Variants in CFAP299 observed in about 807,000 individuals in gnomAD.
CFAP299 encodes cilia- and flagella-associated protein 299.
In CFAP299, 21 loss-of-function variants were observed where a neutral mutation model predicts 27.0. The observed-to-expected ratio is 0.78, with a 90% confidence interval of 0.55 to 1.12. The LOEUF is 1.12. Among genes scored for constraint, CFAP299 ranks in the 50% most tolerant of loss-of-function variants. The probability of loss-of-function intolerance (pLI) is 0.00; values close to 1 mark genes in which losing one functional copy is unlikely to be tolerated. For missense variants in CFAP299, 310 were observed against 276.6 expected (o/e 1.12, Z -0.86); for synonymous variants, 104 against 98.1 (o/e 1.06, Z -0.36).
intron 3 of CFAP299, among the ~76,000 whole-genome samples, chr4:80,588,359 A>T (rs1019998475): frequency 2.0e-5 from 3 of 150,886 alleles, no homozygotes; most frequent in Non-Finnish European, 4.4e-5. Context: ...AGTGCTCTAG[A>T]ACTACAGATG....
chr4:80,915,651 A>G (rs1016854888), intron 4 of CFAP299, among the ~76,000 whole-genome samples: 3 of 151,924 alleles, frequency 2.0e-5, no homozygotes, highest in Non-Finnish European at 4.4e-5. Context: ...CTCTCCTTCT[A>G]GAACTCCAAT....
chr4:80,387,656 T>C, intron 2 of CFAP299: 1 of 1,547,392 alleles, frequency 6.5e-7, no homozygotes, highest in Non-Finnish European at 8.9e-7. Flanking sequence ...TGGGTCTGCA[T>C]GTGTTTCTTA....
intron 3 of CFAP299, among the ~76,000 whole-genome samples, chr4:80,763,828 C>T (rs1457188090): frequency 2.0e-5 from 3 of 152,134 alleles, no homozygotes; most frequent in Admixed American, 6.5e-5. Flanking sequence ...GAATCTTCAA[C>T]AAACCTGACA....
At chr4:80,415,882 C>T (rs1222643296) in intron 2 of CFAP299, among the ~76,000 whole-genome samples, 1 of 152,084 alleles carries the variant, frequency 6.6e-6, no homozygotes, top group African/African-American at 2.4e-5. Context: ...TACATACATA[C>T]ATGGGGTGAT....
intron 4 of CFAP299, among the ~76,000 whole-genome samples, chr4:80,921,717 G>A (rs183964241): frequency 3.3e-5 from 5 of 152,108 alleles, no homozygotes; most frequent in Admixed American, 1.3e-4. Context: ...CACCCCTGGA[G>A]GCTGTGCAGA....
At chr4:80,500,358 C>T (rs1560596429) in intron 2 of CFAP299, among the ~76,000 whole-genome samples, 1 of 152,070 alleles carries the variant, frequency 6.6e-6, no homozygotes, top group East Asian at 1.9e-4. Context: ...TCTCTTCTGA[C>T]TTACTAATTT....
At chr4:80,938,924 T>G (rs1036398765) in intron 4 of CFAP299, among the ~76,000 whole-genome samples, 2 of 152,192 alleles carry the variant, frequency 1.3e-5, no homozygotes, top group Non-Finnish European at 2.9e-5. Context: ...AAATAATTCT[T>G]TGTTGTCAGG....
At chr4:80,881,862 A>G (rs72865170) in intron 4 of CFAP299, among the ~76,000 whole-genome samples, 5,207 of 152,278 alleles carry the variant, frequency 0.034, 204 homozygotes, top group African/African-American at 0.097. Flanking sequence ...TAATCTGGAA[A>G]ACAATAGATG....
At chr4:80,823,501 T>C (rs1729817246) in intron 3 of CFAP299, among the ~76,000 whole-genome samples, 1 of 152,094 alleles carries the variant, frequency 6.6e-6, no homozygotes, top group African/African-American at 2.4e-5. Flanking sequence ...AAGGAAAAAT[T>C]TTCATTTTCA....
intron 4 of CFAP299, among the ~76,000 whole-genome samples, chr4:80,889,956 G>A (rs1734176751): frequency 6.6e-6 from 1 of 151,976 alleles, no homozygotes. Flanking sequence ...AAAGAACTAG[G>A]AATAGAATGA....
chr4:80,657,415 G>A (rs1251894351), intron 3 of CFAP299, among the ~76,000 whole-genome samples: 2 of 152,088 alleles, frequency 1.3e-5, no homozygotes, highest in South Asian at 2.1e-4. Context: ...TAAGGTGTAA[G>A]GAAGGGGTCC....
chr4:80,655,015 C>T (rs979757313), intron 3 of CFAP299, among the ~76,000 whole-genome samples: 1 of 151,844 alleles, frequency 6.6e-6, no homozygotes, highest in Admixed American at 6.6e-5. Flanking sequence ...TTAGTCAGAC[C>T]CACAAAATGT....
At chr4:80,450,565 A>C (rs1453277808) in intron 2 of CFAP299, among the ~76,000 whole-genome samples, 7 of 152,014 alleles carry the variant, frequency 4.6e-5, no homozygotes, top group Admixed American at 3.3e-4. Flanking sequence ...AATACTAAAT[A>C]TCTTTGTGCA....
At chr4:80,660,404 A>C (rs1040507075) in intron 3 of CFAP299, among the ~76,000 whole-genome samples, 2 of 152,158 alleles carry the variant, frequency 1.3e-5, no homozygotes, top group Non-Finnish European at 2.9e-5. Context: ...ATGTTAATAA[A>C]GGTGAAAATA....
chr4:80,785,524 A>G (rs2110094850), intron 3 of CFAP299, among the ~76,000 whole-genome samples: 1 of 152,292 alleles, frequency 6.6e-6, no homozygotes, highest in Middle Eastern at 3.4e-3. Context: ...CTTGCATTAA[A>G]TGCCCCAAAC....
intron 3 of CFAP299, among the ~76,000 whole-genome samples, chr4:80,792,276 C>A (rs1727613988): frequency 6.6e-6 from 1 of 152,056 alleles, no homozygotes; most frequent in Non-Finnish European, 1.5e-5. Context: ...TTGCAGGGGT[C>A]AGGCAGACTT....
rs1724454577 is a variant in CFAP299, at chr4:80,377,131, C to G, written c.242+14247C>G. On this transcript the variant is annotated intron_variant, in intron 2 of 5. Coordinates refer to ENST00000358105, the MANE Select transcript of CFAP299 (RefSeq NM_152770.3). The stretch of plus-strand genomic sequence containing the variant: ...TAAATTTTGATAAACGCCAGTTTAT[C>G]AGTTTTTCTTTAAGGTTCATGTGTG... 3.9e-5 allele frequency among the ~76,000 whole-genome samples: 6 copies of G among 151,972 alleles called. 1 individual carries two copies. In the South Asian group the frequency reaches 1.2e-3, roughly 32 times the overall value.
At chr4:80,855,204 A>G (rs1376881718) in intron 3 of CFAP299, among the ~76,000 whole-genome samples, 1 of 152,094 alleles carries the variant, frequency 6.6e-6, no homozygotes, top group Admixed American at 6.6e-5. Flanking sequence ...TATGGAAAGC[A>G]TATATATTAT....
At chr4:80,665,682 T>C (rs1741111614) in intron 3 of CFAP299, among the ~76,000 whole-genome samples, 2 of 152,330 alleles carry the variant, frequency 1.3e-5, no homozygotes, top group East Asian at 3.9e-4. Context: ...TAAGGTAATA[T>C]GGTTTGGATC....
Sources: allele counts gnomAD v4.1 joint callset (sites outside exome capture counted in the v4.1 genomes callset), GRCh38; gene constraint gnomAD v4.1.1; transcripts MANE v1.5; gene names NCBI Gene and HGNC (gene_info 2026-07-23, HGNC 2026-07-21).